The following HACD3 variants were observed in gnomAD, a reference collection of about 807,000 sequenced individuals.
HACD3 encodes 3-hydroxyacyl-CoA dehydratase 3.
In HACD3, 30 loss-of-function variants were observed where a neutral mutation model predicts 55.2. That is an observed-to-expected ratio of 0.54 (90% CI 0.41 to 0.74). The LOEUF is 0.74. Among genes scored for constraint, HACD3 ranks in the 30% least tolerant of loss-of-function variants. The pLI is 0.00. For synonymous variants in HACD3, 141 were observed against 151.7 expected (o/e 0.93, Z 0.52); for missense variants, 363 against 440.1 (o/e 0.82, Z 1.57).
intron 1 of HACD3, among the ~76,000 whole-genome samples, chr15:65,549,086 G>A (rs1198664941): frequency 6.6e-6 from 1 of 152,166 alleles, no homozygotes; most frequent in African/African-American, 2.4e-5. Flanking sequence ...GATGGGCTAG[G>A]TTGTGTAGAT....
At chr15:65,553,175 C>CTT (rs1567335309) in intron 2 of HACD3, 1 of 152,024 alleles carries the variant, frequency 6.6e-6, no homozygotes, top group African/African-American at 2.4e-5. Flanking sequence ...ATATGTGCTG[C>CTT]CGAAGTGAGC....
chr15:65,572,829 C>G (rs866413043), intron 10 of HACD3, among the ~76,000 whole-genome samples: 1 of 150,336 alleles, frequency 6.7e-6, no homozygotes, highest in African/African-American at 2.4e-5. Context: ...GCAGGAGAAT[C>G]GCTTGAACCC....
intron 9 of HACD3, 24 bp from the exon 10 acceptor site, chr15:65,572,211 A>G (rs1350776770): frequency 1.6e-5 from 26 of 1,609,664 alleles, no homozygotes; most frequent in Non-Finnish European, 2.1e-5. Flanking sequence ...TTTGCTTCTA[A>G]CAAGTTCTTG....
chr15:65,576,504 C>A lies in HACD3; in HGVS notation c.*125C>A. The stretch of plus-strand genomic sequence containing the variant: ...ATTAAATTCTCAGTGAGGCTATCTT[C>A]CTTTTCCCCAGTAACATTCCTGAAT... On this transcript the variant is annotated 3_prime_UTR_variant, in exon 11 of 11. Coordinates refer to ENST00000261875, the MANE Select transcript of HACD3 (RefSeq NM_016395.4). The A allele has an allele frequency of 2.0e-6, 2 of 1,012,054 alleles. No homozygotes were observed. The highest frequency in any genetic ancestry group is 2.8e-6 in the Non-Finnish European group (2 of 705,166). 62.7% of individuals were successfully genotyped at this position (1,012,054 alleles called of 1,614,324 possible).
At chr15:65,563,211 T>C (rs371043966) in intron 6 of HACD3, among the ~76,000 whole-genome samples, 1 of 152,168 alleles carries the variant, frequency 6.6e-6, no homozygotes, top group African/African-American at 2.4e-5. Context: ...ATGTGATACT[T>C]CCAGTGCCAA....
chr15:65,561,124 C>T (rs1248106820), intron 5 of HACD3, among the ~76,000 whole-genome samples: 1 of 152,190 alleles, frequency 6.6e-6, no homozygotes, highest in East Asian at 1.9e-4. Flanking sequence ...AGTTTGACCT[C>T]AGTGACCTTA....
In HACD3 at chr15:65,530,499, C is replaced by G; in HGVS notation, c.-133C>G. On this transcript the variant is annotated 5_prime_UTR_variant, in exon 1 of 11. In the 5' UTR this introduces an upstream ATG that the reference lacks. Transcript: ENST00000261875. ...GGCGCGGCCCGCGAGCGTGGGGTAT[C>G]TCGAGGTGCCGGGTTGCAGGCGCTC... 1.4e-6 allele frequency: 1 copy of G among 739,606 alleles called. No homozygotes were observed. Among genetic ancestry groups the G allele is most frequent in the Non-Finnish European group, 2.1e-6 (1 of 485,338 alleles). The allele number at this position is 739,606 out of a possible 1,614,324, so 45.8% of individuals were successfully genotyped here. A position where few individuals can be genotyped will look rare whatever the true frequency, so the allele number is the denominator to read the frequency against.
At chr15:65,558,445 A>C (rs2072215177) in intron 4 of HACD3, among the ~76,000 whole-genome samples, 1 of 152,204 alleles carries the variant, frequency 6.6e-6, no homozygotes, top group Non-Finnish European at 1.5e-5. Flanking sequence ...TTTGGAAGCC[A>C]GCTCACTGGG....
chr15:65,547,093 A>T (rs1274473977), intron 1 of HACD3, among the ~76,000 whole-genome samples: 3 of 151,978 alleles, frequency 2.0e-5, no homozygotes, highest in Non-Finnish European at 4.4e-5. Context: ...CTGCCCAGGG[A>T]AGCCCGTTAG....
chr15:65,572,914 C>CAAAAAAAAAAAA (rs60226731), intron 10 of HACD3, among the ~76,000 whole-genome samples: 2 of 106,414 alleles, frequency 1.9e-5, no homozygotes, highest in African/African-American at 3.0e-5. Flanking sequence ...GACTTTGTCT[C>CAAAAAAAAAAAA]AAAAAAAAAA....
intron 5 of HACD3, 116 bp downstream of exon 5, chr15:65,558,847 G>A: frequency 7.7e-7 from 1 of 1,303,196 alleles, no homozygotes; most frequent in Non-Finnish European, 1.1e-6. Flanking sequence ...CTGTGTGGGT[G>A]AGTTTATGAA....
At chr15:65,574,343 A>G (rs1445812531) in intron 10 of HACD3, 1 of 152,228 alleles carries the variant, frequency 6.6e-6, no homozygotes, top group Non-Finnish European at 1.5e-5. Flanking sequence ...ATGGCTACTC[A>G]TGGCATGGCT....
At position 65,554,007 on chromosome 15, in the gene HACD3, C is replaced by T. The variant is rs545413449; in HGVS notation, c.131-880C>T. Among the ~76,000 whole-genome samples the T allele has an allele frequency of 3.9e-5, 6 of 152,278 alleles. No homozygotes were observed. The South Asian group carries it at 1.2e-3, about 32-fold the overall frequency. On this transcript the variant is annotated intron_variant, in intron 2 of 10. Transcript: ENST00000261875. Reference sequence around the variant, plus strand: ...AGTTCCACCTGTCCTTCATAAGCTGCGAAAGATTGTATTTCTTTTTCCTTG... The same window carrying T: ...AGTTCCACCTGTCCTTCATAAGCTGTGAAAGATTGTATTTCTTTTTCCTTG...
intron 5 of HACD3, among the ~76,000 whole-genome samples, chr15:65,562,205 T>A (rs1250230572): frequency 2.6e-5 from 4 of 152,236 alleles, no homozygotes; most frequent in African/African-American, 9.6e-5. Flanking sequence ...GCAAGGCCTG[T>A]CTGTCCAGAT....
chr15:65,562,702 A>G, intron 5 of HACD3, 72 bp from the exon 6 acceptor site: 4 of 1,555,552 alleles, frequency 2.6e-6, no homozygotes, highest in Non-Finnish European at 3.5e-6. Flanking sequence ...AGTCATCCAG[A>G]TATGCCTCAT....
At chr15:65,545,656 G>A (rs1037446819) in intron 1 of HACD3, among the ~76,000 whole-genome samples, 1 of 150,852 alleles carries the variant, frequency 6.6e-6, no homozygotes, top group Non-Finnish European at 1.5e-5. Context: ...GGGTTTCACC[G>A]TGTTAGCCAG....
intron 7 of HACD3, among the ~76,000 whole-genome samples, chr15:65,568,585 C>A (rs1321920896): frequency 1.3e-5 from 2 of 151,836 alleles, no homozygotes; most frequent in Admixed American, 1.3e-4. Flanking sequence ...TCTTGAACTC[C>A]TGACCTCAAA....
chr15:65,567,363 T>C (rs1470658219), intron 7 of HACD3, among the ~76,000 whole-genome samples: 2 of 152,118 alleles, frequency 1.3e-5, no homozygotes, highest in Non-Finnish European at 2.9e-5. Flanking sequence ...GTTTGTGTTG[T>C]AGATTAGACA....
chr15:65,558,176 G>A (rs2072212645), intron 4 of HACD3, among the ~76,000 whole-genome samples: 1 of 152,078 alleles, frequency 6.6e-6, no homozygotes, highest in Non-Finnish European at 1.5e-5. Flanking sequence ...TATATGTTTG[G>A]ATAGTAACCC....
Sources: gnomAD v4.1 joint callset for allele counts (sites outside exome capture counted in the v4.1 genomes callset) on GRCh38, gnomAD v4.1.1 for gene constraint, MANE v1.5 for transcripts, NCBI Gene and HGNC (gene_info 2026-07-23, HGNC 2026-07-21) for gene names.